The following PPP4R3B variants were observed in gnomAD, a reference collection of about 807,000 sequenced individuals.
The protein encoded by PPP4R3B is protein phosphatase 4 regulatory subunit 3B.
PPP4R3B carries 52 observed loss-of-function variants against 95.4 expected under a neutral mutation model. That is an observed-to-expected ratio of 0.54 (90% CI 0.44 to 0.69). The LOEUF (loss-of-function observed/expected upper bound fraction) is 0.69, where lower values mean the gene tolerates loss of function less well. Among genes scored for constraint, PPP4R3B ranks in the 30% least tolerant of loss-of-function variants. The probability of loss-of-function intolerance (pLI) is 0.00; values close to 1 mark genes in which losing one functional copy is unlikely to be tolerated. For missense variants in PPP4R3B, 1,003 were observed against 1,005.9 expected (o/e 1.00, Z 0.04); for synonymous variants, 407 against 343.9 (o/e 1.18, Z -2.03).
chr2:55,564,922 T>A lies in PPP4R3B; in HGVS notation c.2055A>T (p.Arg685Ser). The A allele has an allele frequency of 6.2e-7, 1 of 1,610,628 alleles. No homozygotes were observed. Among genetic ancestry groups the A allele is most frequent in the Non-Finnish European group, 8.5e-7 (1 of 1,178,838 alleles). The change falls in exon 14 of 17, where the codon AGA becomes AGT. Residue 685 changes from arginine (R) to serine (S), a missense_variant. Coordinates refer to ENST00000616407, the MANE Select transcript of PPP4R3B (RefSeq NM_001122964.3). ...LKTKYEQEKD[R>S]QNQKLNSVPS... The stretch of plus-strand genomic sequence containing the variant: ...AATACCTGTTCAGTTTCTGATTTTG[T>A]CTGTCTTTTTCTTGCTCATATTTAG...
intron 11 of PPP4R3B, 109 bp from the exon 12 acceptor site, chr2:55,573,886 CTTT>C (rs369126683): frequency 0.013 from 3,529 of 275,238 alleles, 11 homozygotes; most frequent in African/African-American, 0.03. Context: ...GTATTTCCTC[CTTT>C]TTTTTTTTTT....
At position 55,579,673 on chromosome 2, in the gene PPP4R3B, C is replaced by A; in HGVS notation, c.1468+6G>T. ...AAATCACAGCAGATAAATAAAGAGA[C>A]CCTACCCTTTTCACATTTGTCTTCT... On this transcript the variant is annotated splice_donor_region_variant and intron_variant, in intron 9 of 16. Coordinates refer to ENST00000616407, the MANE Select transcript of PPP4R3B (RefSeq NM_001122964.3). The A allele has an allele frequency of 1.3e-6, 2 of 1,573,942 alleles. No homozygotes were observed. Among genetic ancestry groups the A allele is most frequent in the Non-Finnish European group, 1.7e-6 (2 of 1,158,428 alleles).
At chr2:55,552,766 C>G (rs774213755) in intron 16 of PPP4R3B, among the ~76,000 whole-genome samples, 5 of 152,032 alleles carry the variant, frequency 3.3e-5, no homozygotes, top group African/African-American at 4.8e-5. Flanking sequence ...AAAGTGAATA[C>G]CAGCAAAGAA....
chr2:55,578,649 C>G (rs1393968611), intron 9 of PPP4R3B, among the ~76,000 whole-genome samples: 1 of 152,018 alleles, frequency 6.6e-6, no homozygotes, highest in South Asian at 2.1e-4. Flanking sequence ...TTTCCTACCA[C>G]AAACAATGCA....
In PPP4R3B at chr2:55,615,471, T is replaced by C; in HGVS notation, c.178A>G (p.Thr60Ala). 1.9e-6 allele frequency: 3 copies of C among 1,595,002 alleles called. No homozygotes were observed. The highest frequency in any genetic ancestry group is 2.6e-6 in the Non-Finnish European group (3 of 1,169,876). ...LLLESKINPN[T>A]AYQKQQDTLI... ...CTTGCCTGTTGTTTCTGATATGCAGTATTTGGATTTATCTTTGATTCCAAG... is the reference window on the plus strand; with the variant it reads ...CTTGCCTGTTGTTTCTGATATGCAGCATTTGGATTTATCTTTGATTCCAAG... Residue 60 changes from threonine (T) to alanine (A), a missense_variant, in exon 2 of 17, where the codon ACT (threonine) becomes GCT (alanine). By Grantham distance (58) the Thr-to-Ala change is moderately conservative (BLOSUM62 0). Transcript: ENST00000616407.
At chr2:55,598,232 A>G (rs1176450236) in intron 4 of PPP4R3B, among the ~76,000 whole-genome samples, 184 bp downstream of exon 4, 3 of 152,174 alleles carry the variant, frequency 2.0e-5, no homozygotes, top group Admixed American at 2.0e-4. Flanking sequence ...AAAAATAAAT[A>G]AAAGGTTGCA....
Position 55,581,596 on chromosome 2 carries a change from C to A in PPP4R3B, c.1336G>T (p.Asp446Tyr). The A allele has an allele frequency of 6.2e-7, 1 of 1,613,180 alleles. No individual in the cohort carries two copies. Among genetic ancestry groups the A allele is most frequent in the South Asian group, 1.1e-5 (1 of 90,958 alleles). Residue 446 changes from aspartate to tyrosine, a missense_variant, in exon 8 of 17, where the codon GAT becomes TAT. Asp to Tyr is a radical substitution (Grantham distance 160, BLOSUM62 -3). Around this residue, in one of 3 missense-constraint regions of PPP4R3B, gnomAD observed 695 missense variants for 686.2 expected, o/e 1.01. Coordinates refer to ENST00000616407, the MANE Select transcript of PPP4R3B (RefSeq NM_001122964.3). ...GTTGTAGCCAGCATGTTCTCTGGAT[C>A]AATTAGAGTACGAAGAAGTCCCATT... The part of the protein sequence containing the change: ...QLMGLLRTLI[D>Y]PENMLATTNK...
intron 4 of PPP4R3B, 22 bp downstream of exon 4, chr2:55,598,394 T>C: frequency 6.2e-7 from 1 of 1,605,150 alleles, no homozygotes; most frequent in African/African-American, 1.3e-5. Context: ...AATGGAATCG[T>C]GAAGAGTATC....
intron 12 of PPP4R3B, among the ~76,000 whole-genome samples, chr2:55,571,816 G>C (rs934618004): frequency 5.3e-5 from 8 of 152,150 alleles, no homozygotes; most frequent in African/African-American, 1.9e-4. Context: ...AGTAGAGACA[G>C]TTATATTGCC....
rs146107644 is a variant in PPP4R3B at position 55,563,458 on chromosome 2, G to A, written c.2260+855C>T. ...GCAGCTCATGGCTCACTGCAGCTTC[G>A]ACCTCCTGGGCTCAAGTGATCCTCC... On this transcript the variant is annotated intron_variant, in intron 15 of 16. Transcript: ENST00000616407. Among the ~76,000 whole-genome samples the A allele has an allele frequency of 1.3e-3, 191 of 152,126 alleles. 1 individual carries two copies. Among genetic ancestry groups the A allele is most frequent in the African/African-American group, 4.3e-3 (178 of 41,502 alleles).
Position 55,617,452 on chromosome 2 carries a change from C to G in PPP4R3B, c.-167G>C. The G allele has an allele frequency of 1.3e-6, 1 of 770,710 alleles. No individual in the cohort carries two copies. Among genetic ancestry groups the G allele is most frequent in the Non-Finnish European group, 1.9e-6 (1 of 530,042 alleles). The allele number at this position is 770,710 out of a possible 1,614,324, so 47.7% of individuals were successfully genotyped here. On this transcript the variant is annotated 5_prime_UTR_variant, in exon 1 of 17. Transcript: ENST00000616407. ...AAGGTTCAGCCGCGAGAAGGGGTGA[C>G]AAGAGCCACTGAGGCCTCTCCGCCC...
chr2:55,598,351 G>C, intron 4 of PPP4R3B, 65 bp downstream of exon 4: 1 of 1,505,776 alleles, frequency 6.6e-7, no homozygotes, highest in Non-Finnish European at 9.0e-7. Context: ...ATAAACACCT[G>C]CTTGAACTAT....
At chr2:55,613,235 A>T (rs181936140) in intron 2 of PPP4R3B, among the ~76,000 whole-genome samples, 1 of 152,236 alleles carries the variant, frequency 6.6e-6, no homozygotes, top group Admixed American at 6.5e-5. Context: ...AGAAAAGTGT[A>T]CTCAATTTAA....
At chr2:55,599,666 A>G (rs1692279683) in intron 3 of PPP4R3B, among the ~76,000 whole-genome samples, 2 of 152,194 alleles carry the variant, frequency 1.3e-5, no homozygotes, top group African/African-American at 4.8e-5. Context: ...ACTCTGCTGT[A>G]TGGATTCACA....
chr2:55,617,280 C>G lies in PPP4R3B; in HGVS notation c.6G>C (p.Ser2=). ...AGACCTTCACTCGCCGCCGCGTATC[C>G]GACATGGTGGCTGCTGTCTCCACCG... M[S]DTRRRVKVYT... Residue 2 remains serine (S), a synonymous_variant, in exon 1 of 17, where the codon TCG becomes TCC. Coordinates refer to ENST00000616407, the MANE Select transcript of PPP4R3B (RefSeq NM_001122964.3). The G allele has an allele frequency of 6.3e-7, 1 of 1,595,844 alleles. No homozygotes were observed. Among genetic ancestry groups the G allele is most frequent in the South Asian group, 1.1e-5 (1 of 89,976 alleles).
chr2:55,603,096 G>C (rs1692861448), intron 3 of PPP4R3B, among the ~76,000 whole-genome samples: 1 of 152,040 alleles, frequency 6.6e-6, no homozygotes, highest in African/African-American at 2.4e-5. Context: ...GGGACTACAG[G>C]CATGCGCTAC....
At chr2:55,571,899 C>T (rs372473754) in intron 12 of PPP4R3B, among the ~76,000 whole-genome samples, 113 of 152,292 alleles carry the variant, frequency 7.4e-4, no homozygotes, top group African/African-American at 2.4e-3. Flanking sequence ...GATTTACAGG[C>T]GTGAGCCACT....
At chr2:55,578,372 A>C (rs1688982219) in intron 9 of PPP4R3B, 30 bp from the exon 10 acceptor site, 3 of 1,333,550 alleles carry the variant, frequency 2.2e-6, no homozygotes, top group Non-Finnish European at 2.9e-6. Flanking sequence ...GTTAGTTTTG[A>C]TAAAGCCAAC....
At chr2:55,594,848 G>C (rs1428664487) in intron 4 of PPP4R3B, among the ~76,000 whole-genome samples, 1 of 152,018 alleles carries the variant, frequency 6.6e-6, no homozygotes, top group East Asian at 1.9e-4. Flanking sequence ...CATTATTGGT[G>C]AATAACAAAA....
Sources: gnomAD v4.1 joint callset for allele counts (sites outside exome capture counted in the v4.1 genomes callset) on GRCh38, gnomAD v4.1.1 for gene constraint, gnomAD v4.1.1 regional missense constraint, MANE v1.5 for transcripts, NCBI Gene and HGNC (gene_info 2026-07-23, HGNC 2026-07-21) for gene names.